C1orf185: variants seen among roughly 807,000 people sequenced by gnomAD.
C1orf185 encodes the protein chromosome 1 open reading frame 185, also known as uncharacterized protein C1orf185.
C1orf185 carries 13 observed loss-of-function variants against 16.1 expected under a neutral mutation model. The ratio of observed to expected loss-of-function variants is 0.81; its 90% CI spans 0.53 to 1.28. The LOEUF (loss-of-function observed/expected upper bound fraction) is 1.28. Among genes scored for constraint, C1orf185 ranks in the 50% most tolerant of loss-of-function variants. The pLI, the probability that C1orf185 is intolerant of heterozygous loss-of-function variation, is 0.00. For missense variants in C1orf185, 220 were observed against 225.2 expected, an observed-to-expected ratio of 0.98 and a Z score of 0.15; for synonymous variants, 80 against 76.9, an observed-to-expected ratio of 1.04 and a Z score of -0.21.
chr1:51,124,082 T>C lies in C1orf185; in HGVS notation c.258+5281T>C, dbSNP rs557351813. ...TCTCTTGGTATTTCACTGTAGTTTG[T>C]TTTTTTTTTTTTTTTTTTTGAGACA... On this transcript the variant is annotated intron_variant, in intron 3 of 4. Transcript: ENST00000371759. 3.1e-5 allele frequency among the ~76,000 whole-genome samples: 4 copies of C among 128,592 alleles called. No individual in the cohort carries two copies. In the South Asian group the frequency reaches 1.0e-3, roughly 32 times the overall value. 84.4% of individuals were successfully genotyped at this position (128,592 alleles called of 152,430 possible). A position where few individuals can be genotyped will look rare whatever the true frequency, so the allele number is the denominator to read the frequency against.
intron 1 of C1orf185, among the ~76,000 whole-genome samples, chr1:51,108,235 A>G (rs1353180446): frequency 6.6e-6 from 1 of 152,146 alleles, no homozygotes; most frequent in Non-Finnish European, 1.5e-5. Context: ...TTAATGATTA[A>G]TAACATTTTT....
chr1:51,111,374 C>CTTTTT (rs11414730), intron 1 of C1orf185, among the ~76,000 whole-genome samples: 5 of 133,962 alleles, frequency 3.7e-5, no homozygotes, highest in African/African-American at 1.6e-4. Context: ...TTCTTTCTTT[C>CTTTTT]TTTTTTTTTT....
At chr1:51,130,120 C>T (rs1646272296) in intron 3 of C1orf185, among the ~76,000 whole-genome samples, 1 of 152,078 alleles carries the variant, frequency 6.6e-6, no homozygotes, top group Non-Finnish European at 1.5e-5. Flanking sequence ...GCAGCTTGCA[C>T]ATAAAGGGCC....
Position 51,110,614 on chromosome 1 carries a change from C to T in C1orf185, c.17-1850C>T, listed in dbSNP as rs1008071056. Reference sequence around the variant, plus strand: ...CAATTAGTTTTATACTCAATCTTTTCCCAAAATAATATACTCCTCAGTTGT... The same window carrying T: ...CAATTAGTTTTATACTCAATCTTTTTCCAAAATAATATACTCCTCAGTTGT... On this transcript the variant is annotated intron_variant, in intron 1 of 4. Transcript: ENST00000371759. Among the ~76,000 whole-genome samples, 12 of 152,112 alleles carry T rather than the reference C, an allele frequency of 7.9e-5. No individual in the cohort carries two copies. The East Asian group carries it at 2.3e-3, about 29-fold the overall frequency.
At chr1:51,111,090 T>G (rs1032325801) in intron 1 of C1orf185, among the ~76,000 whole-genome samples, 1 of 152,208 alleles carries the variant, frequency 6.6e-6, no homozygotes, top group Admixed American at 6.5e-5. Context: ...AAGGAAGACT[T>G]GACCAACCTA....
chr1:51,151,921 C>A (rs1646430961), downstream of C1orf185, among the ~76,000 whole-genome samples: 1 of 152,106 alleles, frequency 6.6e-6, no homozygotes, highest in African/African-American at 2.4e-5. Context: ...AAACTCCTGA[C>A]CTCATGATCC....
intron 1 of C1orf185, among the ~76,000 whole-genome samples, chr1:51,108,848 G>C (rs947454169): frequency 1.6e-4 from 25 of 152,054 alleles, no homozygotes; most frequent in African/African-American, 5.3e-4. Flanking sequence ...TCCATATCTT[G>C]GCTATCGTGA....
At position 51,147,756 on chromosome 1, in the gene C1orf185, G is replaced by A. The variant is rs1005662481; in HGVS notation, c.585G>A (p.Leu195=). ...TAGAAGAGGGTACTGAAAGTGTACT[G>A]AATGACACTTTATGACCATCAAAAA... is the stretch of plus-strand genomic sequence containing the variant. ...ISLEEGTESV[L]NDTL Residue 195 remains leucine, a synonymous_variant, in exon 5 of 5, where the codon CTG becomes CTA. Transcript: ENST00000371759. 7 of 1,539,518 alleles carry A rather than the reference G, an allele frequency of 4.5e-6. No individual in the cohort carries two copies. The highest frequency in any genetic ancestry group is 4.0e-5 in the Admixed American group (2 of 49,416).
In C1orf185 at chr1:51,104,845, T is replaced by C. The variant is rs545119424; in HGVS notation, c.16+2596T>C. Among the ~76,000 whole-genome samples the C allele has an allele frequency of 1.1e-4, 16 of 152,338 alleles. No individual in the cohort carries two copies. In the South Asian group the frequency reaches 3.1e-3, roughly 30 times the overall value. On this transcript the variant is annotated intron_variant, in intron 1 of 4. Coordinates refer to ENST00000371759, the MANE Select transcript of C1orf185 (RefSeq NM_001136508.2). The stretch of plus-strand genomic sequence containing the variant: ...TTGGGCCAAACTGCCTCTGTTGTTA[T>C]ACCACTGTAAACAGGTTATTCTCAT...
At chr1:51,150,079 C>T (rs1646423353), downstream of C1orf185, among the ~76,000 whole-genome samples, 2 of 152,054 alleles carry the variant, frequency 1.3e-5, no homozygotes, top group Admixed American at 6.6e-5. Flanking sequence ...TGTTTCTATT[C>T]CTACAATCAA....
intron 1 of C1orf185, among the ~76,000 whole-genome samples, chr1:51,108,476 A>G (rs1237329137): frequency 6.6e-6 from 1 of 152,140 alleles, no homozygotes; most frequent in African/African-American, 2.4e-5. Context: ...TATATAATAC[A>G]TTATTGTTAA....
chr1:51,105,065 C>T (rs1472277206), intron 1 of C1orf185, among the ~76,000 whole-genome samples: 1 of 151,744 alleles, frequency 6.6e-6, no homozygotes, highest in Non-Finnish European at 1.5e-5. Flanking sequence ...TCAAGCTATT[C>T]TCCTGTCTCA....
chr1:51,127,885 G>GTTTTTTT (rs769457494), intron 3 of C1orf185, among the ~76,000 whole-genome samples: 4 of 115,320 alleles, frequency 3.5e-5, no homozygotes, highest in Admixed American at 9.1e-5. Flanking sequence ...TCTTTTCTTT[G>GTTTTTTT]TTTTTTTTTT....
At chr1:51,140,925 T>C (rs1646360079) in intron 3 of C1orf185, among the ~76,000 whole-genome samples, 1 of 152,228 alleles carries the variant, frequency 6.6e-6, no homozygotes, top group African/African-American at 2.4e-5. Context: ...AAGAACTGTA[T>C]ACTTGTTTTA....
chr1:51,118,616 T>G, intron 2 of C1orf185, 50 bp from the exon 3 acceptor site: 6 of 1,085,360 alleles, frequency 5.5e-6, no homozygotes, highest in Non-Finnish European at 6.2e-6. Context: ...TTTTAATTGT[T>G]TTATAATCTA....
intron 3 of C1orf185, among the ~76,000 whole-genome samples, chr1:51,141,642 TG>T (rs2148031854): frequency 6.6e-6 from 1 of 152,230 alleles, no homozygotes; most frequent in South Asian, 2.1e-4. Context: ...AGTTATGAAC[TG>T]TGTCAAATGT....
rs1157833025 is a variant in C1orf185 at position 51,147,687 on chromosome 1, AC to A, written c.518del (p.Pro173LeufsTer2). On this transcript the variant is annotated frameshift_variant, in exon 5 of 5. Transcript: ENST00000371759. LOFTEE classifies it high-confidence loss of function. ...ACTCTCCAATGCCTTCTCTCGGGGA[AC>A]CTCTAATGGAAAAAGTATTTTCATA... ...RNSPMPSLGE[P>X]LMEKVFSYLS... is the part of the protein sequence containing the mutation. The A allele has an allele frequency of 2.6e-6, 4 of 1,551,404 alleles. No individual in the cohort carries two copies.
At chr1:51,113,702 A>G (rs956753622) in intron 2 of C1orf185, among the ~76,000 whole-genome samples, 4 of 152,162 alleles carry the variant, frequency 2.6e-5, no homozygotes, top group Admixed American at 1.3e-4. Flanking sequence ...ACATACATAC[A>G]TACATACATA....
intron 2 of C1orf185, among the ~76,000 whole-genome samples, chr1:51,116,393 A>G (rs1646158074): frequency 6.7e-6 from 1 of 148,880 alleles, no homozygotes; most frequent in Non-Finnish European, 1.5e-5. Context: ...GGCTCGCTGC[A>G]ACCTCCGCCT....
Sources: allele counts gnomAD v4.1 joint callset (sites outside exome capture counted in the v4.1 genomes callset), GRCh38; gene constraint gnomAD v4.1.1; transcripts MANE v1.5; gene names NCBI Gene and HGNC (gene_info 2026-07-23, HGNC 2026-07-21).